The following ARFGEF1 variants were observed in gnomAD, a reference collection of about 807,000 sequenced individuals.
ARFGEF1 encodes ARF guanine nucleotide exchange factor 1.
In ARFGEF1, 42 loss-of-function variants were observed where a neutral mutation model predicts 231.0. The observed-to-expected ratio is 0.18, with a 90% CI of 0.14 to 0.24. The LOEUF (loss-of-function observed/expected upper bound fraction) is 0.24. Ranked by LOEUF, ARFGEF1 falls within the 10% of genes least tolerant of loss-of-function variation. The probability of loss-of-function intolerance (pLI) is 1.00; values close to 1 mark genes in which losing one functional copy is unlikely to be tolerated. For synonymous variants in ARFGEF1, 710 were observed against 732.3 expected (o/e 0.97, Z 0.49); for missense variants, 1,345 against 2,192.0 (o/e 0.61, Z 7.72).
intron 5 of ARFGEF1, among the ~76,000 whole-genome samples, chr8:67,180,842 T>C (rs1176079190): frequency 6.6e-6 from 1 of 152,044 alleles, no homozygotes; most frequent in Non-Finnish European, 1.5e-5. Flanking sequence ...TAAGTAAAGG[T>C]ACCATGGGAT....
intron 35 of ARFGEF1, 127 bp downstream of exon 35, chr8:67,204,553 G>A: frequency 8.7e-7 from 1 of 1,150,938 alleles, no homozygotes; most frequent in Non-Finnish European, 1.2e-6. Flanking sequence ...CCAGTCTCAT[G>A]GTTTAAAAGG....
intron 13 of ARFGEF1, 27 bp from the exon 14 acceptor site, chr8:67,266,234 C>T: frequency 6.4e-7 from 1 of 1,562,552 alleles, no homozygotes; most frequent in Non-Finnish European, 8.8e-7. Context: ...TGATAGAGTA[C>T]ATTATTCTAT....
intron 10 of ARFGEF1, among the ~76,000 whole-genome samples, chr8:67,268,373 T>C (rs754177866): frequency 4.6e-5 from 7 of 152,322 alleles, no homozygotes; most frequent in South Asian, 2.1e-4. Context: ...TAAATACTTA[T>C]GGCAACATGG....
intron 5 of ARFGEF1, among the ~76,000 whole-genome samples, chr8:67,184,769 A>AT (rs1421815048): frequency 8.1e-5 from 12 of 147,694 alleles, no homozygotes; most frequent in African/African-American, 2.7e-4. Flanking sequence ...AATAATAATA[A>AT]AGGTTGGGGG....
At chr8:67,202,537 G>T (rs987531605) in intron 36 of ARFGEF1, among the ~76,000 whole-genome samples, 1 of 152,160 alleles carries the variant, frequency 6.6e-6, no homozygotes, top group Non-Finnish European at 1.5e-5. Flanking sequence ...GGAACTACAG[G>T]TGTGAGTCAC....
chr8:67,228,405 A>G (rs936203490), intron 23 of ARFGEF1, 141 bp from the exon 24 acceptor site: 2 of 716,914 alleles, frequency 2.8e-6, no homozygotes, highest in Admixed American at 3.0e-5. Context: ...ATTTTTCATC[A>G]TTTAGTTTAG....
intron 1 of ARFGEF1, among the ~76,000 whole-genome samples, chr8:67,336,616 CCA>C (rs1808354513): frequency 6.6e-6 from 1 of 152,200 alleles, no homozygotes; most frequent in Non-Finnish European, 1.5e-5. Flanking sequence ...GATCTCGTCT[CCA>C]TTTTCACATG....
chr8:67,336,959 T>C (rs1018083822), intron 1 of ARFGEF1, among the ~76,000 whole-genome samples: 1 of 150,510 alleles, frequency 6.6e-6, no homozygotes, highest in African/African-American at 2.4e-5. Flanking sequence ...TGAAACCCCA[T>C]CTCTAATAAA....
At position 67,203,269 on chromosome 8, in the gene ARFGEF1, C is replaced by A; in HGVS notation, c.4960-18G>T. On this transcript the variant is annotated intron_variant, in intron 35 of 38. Transcript: ENST00000262215. ...GCATCTCTCTTTGGAAAACAAACCA[C>A]CCCAGCATATACACACAGTCACAAT... is the stretch of plus-strand genomic sequence containing the variant. 1 of 1,611,802 alleles carries A rather than the reference C, an allele frequency of 6.2e-7. No individual in the cohort carries two copies. The highest frequency in any genetic ancestry group is 1.1e-5 in the South Asian group (1 of 90,674).
In ARFGEF1 at chr8:67,245,598, A is replaced by C. The variant is rs1248445782; in HGVS notation, c.2851-5308T>G. 2.0e-5 allele frequency among the ~76,000 whole-genome samples: 3 copies of C among 150,388 alleles called. 1 individual carries two copies. The highest frequency in any genetic ancestry group is 7.4e-5 in the African/African-American group (3 of 40,300). The stretch of plus-strand genomic sequence containing the variant: ...TAACCTCAAACCAAAAAAACCTATA[A>C]TGAATAAACAAAAAATAAAAAGTAA... On this transcript the variant is annotated intron_variant, in intron 19 of 38. Coordinates refer to ENST00000262215, the MANE Select transcript of ARFGEF1 (RefSeq NM_006421.5).
At chr8:67,283,568 A>G (rs1207234858) in intron 7 of ARFGEF1, among the ~76,000 whole-genome samples, 1 of 152,158 alleles carries the variant, frequency 6.6e-6, no homozygotes, top group Non-Finnish European at 1.5e-5. Context: ...TAAGATCAAA[A>G]GACTTGGGCG....
chr8:67,230,858 T>A (rs1839530818), intron 23 of ARFGEF1, among the ~76,000 whole-genome samples: 1 of 152,004 alleles, frequency 6.6e-6, no homozygotes, highest in African/African-American at 2.4e-5. Context: ...CCAATATTCT[T>A]CTCCTATATT....
chr8:67,315,316 A>T (rs1807259714), intron 1 of ARFGEF1, among the ~76,000 whole-genome samples: 1 of 152,192 alleles, frequency 6.6e-6, no homozygotes, highest in African/African-American at 2.4e-5. Context: ...TTAGCTGAAG[A>T]AGTAAACATC....
intron 19 of ARFGEF1, among the ~76,000 whole-genome samples, chr8:67,250,482 T>C (rs1406399929): frequency 4.6e-5 from 7 of 152,176 alleles, no homozygotes; most frequent in Admixed American, 2.6e-4. Context: ...CGTTTAGAAA[T>C]AGTGTATCAC....
intron 14 of ARFGEF1, among the ~76,000 whole-genome samples, chr8:67,264,809 A>G (rs1804782681): frequency 6.6e-6 from 1 of 152,176 alleles, no homozygotes; most frequent in Admixed American, 6.5e-5. Flanking sequence ...CAAGTACTTC[A>G]AAATAAGTAC....
At chr8:67,280,820 C>G (rs1419647208) in intron 7 of ARFGEF1, among the ~76,000 whole-genome samples, 1 of 152,108 alleles carries the variant, frequency 6.6e-6, no homozygotes, top group Non-Finnish European at 1.5e-5. Context: ...AAAACATATA[C>G]AATTACTGAG....
intron 23 of ARFGEF1, among the ~76,000 whole-genome samples, chr8:67,228,590 A>G (rs1025482954): frequency 1.3e-5 from 2 of 152,112 alleles, no homozygotes; most frequent in Non-Finnish European, 2.9e-5. Context: ...TGTAAAACTA[A>G]TAATTGGCAC....
At chr8:67,310,689 G>T (rs1049467015) in intron 1 of ARFGEF1, among the ~76,000 whole-genome samples, 2 of 144,696 alleles carry the variant, frequency 1.4e-5, no homozygotes, top group Admixed American at 1.4e-4. Flanking sequence ...CTGAGATGTG[G>T]GGAGCGCCTC....
Position 67,183,831 on chromosome 8 carries a change from A to G in ARFGEF1, c.561-8259T>C, listed in dbSNP as rs575999734. ...AAATAATTGATAAGCCAGACTATGTAAAAAATTGGGAATTTTTTTTTTTTT... is the reference window on the plus strand; with the variant it reads ...AAATAATTGATAAGCCAGACTATGTGAAAAATTGGGAATTTTTTTTTTTTT... On this transcript the variant is annotated intron_variant, in intron 5 of 5. Coordinates refer to the ARFGEF1 transcript ENST00000518789. 2.4e-4 allele frequency among the ~76,000 whole-genome samples: 36 copies of G among 151,348 alleles called. No homozygotes were observed. In the South Asian group the frequency reaches 7.3e-3, roughly 31 times the overall value.
Sources: gnomAD v4.1 joint callset for allele counts (sites outside exome capture counted in the v4.1 genomes callset) on GRCh38, gnomAD v4.1.1 for gene constraint, MANE v1.5 for transcripts, NCBI Gene and HGNC (gene_info 2026-07-23, HGNC 2026-07-21) for gene names.